Variants in UNKL observed in about 807,000 individuals in gnomAD.
The protein encoded by UNKL is putative E3 ubiquitin-protein ligase UNKL.
UNKL carries 60 observed loss-of-function variants against 78.0 expected under a neutral mutation model. That is an observed-to-expected ratio of 0.77 (90% CI 0.63 to 0.95). The LOEUF (loss-of-function observed/expected upper bound fraction) is 0.95. Among genes scored for constraint, UNKL ranks in the 40% least tolerant of loss-of-function variants. UNKL has a pLI of 0.00. For synonymous variants in UNKL, 608 were observed against 474.8 expected, an observed-to-expected ratio of 1.28 and a Z score of -3.65; for missense variants, 1,159 against 1,045.7, an observed-to-expected ratio of 1.11 and a Z score of -1.49.
intron 9 of UNKL, among the ~76,000 whole-genome samples, chr16:1,386,069 G>C (rs1178789365): frequency 1.3e-5 from 2 of 152,220 alleles, no homozygotes; most frequent in Non-Finnish European, 2.9e-5. Flanking sequence ...AAGACCCAGA[G>C]CCACCTACGA....
rs376477531 is a variant in UNKL, at chr16:1,401,710, C to A, written c.465-9G>T. The A allele has an allele frequency of 4.3e-5, 69 of 1,605,350 alleles. No individual in the cohort carries two copies. The Middle Eastern group carries it at 4.9e-4, about 12-fold the overall frequency. ...CCTGGGCCTGCAGCTCCCTGCAAGC[C>A]GAGGACACAGTGGTCACAGCTCTGC... On this transcript the variant is annotated splice_polypyrimidine_tract_variant and intron_variant, in intron 3 of 14. Coordinates refer to ENST00000389221, the MANE Select transcript of UNKL (RefSeq NM_001372107.1).
chr16:1,363,406 C>T lies in UNKL; in HGVS notation c.*2834G>A. On this transcript the variant is annotated 3_prime_UTR_variant, in exon 15 of 15. Transcript: ENST00000389221. ...TAACATTCTCATGTAAATACTCAAA[C>T]ATACAGATTGAGGCTTCCAGAAATT... 1 of 382,122 alleles carries T rather than the reference C, an allele frequency of 2.6e-6. No homozygotes were observed. Among genetic ancestry groups the T allele is most frequent in the Non-Finnish European group, 5.0e-6 (1 of 200,398 alleles). 23.7% of individuals were successfully genotyped at this position (382,122 alleles called of 1,614,324 possible).
rs577708285 is a variant in UNKL at position 1,368,127 on chromosome 16, G to A, written c.1586-269C>T. On this transcript the variant is annotated intron_variant, in intron 12 of 14. Transcript: ENST00000389221. ...CCACCTGAGGAGTCTAAACAGAGAG[G>A]AATTAAATTCAAGTTCCTGGGACCA... 1.2e-5 allele frequency: 6 copies of A among 516,296 alleles called. No homozygotes were observed. In the East Asian group the frequency reaches 1.7e-4, roughly 15 times the overall value. 32.0% of individuals were successfully genotyped at this position (516,296 alleles called of 1,614,324 possible). A position where few individuals can be genotyped will look rare whatever the true frequency, so the allele number is the denominator to read the frequency against.
chr16:1,401,658 C>T lies in UNKL; in HGVS notation c.508G>A (p.Gly170Ser), dbSNP rs376499532. 22 of 1,612,364 alleles carry T rather than the reference C, an allele frequency of 1.4e-5. 1 individual carries two copies. Among genetic ancestry groups the T allele is most frequent in the South Asian group, 1.2e-4 (11 of 90,998 alleles). The change falls in exon 4 of 15, where the codon GGC (glycine) becomes AGC (serine). Residue 170 changes from glycine (G) to serine (S), a missense_variant. Transcript: ENST00000389221. ...TGCAGATCCGGGACCCCTTCCCCGC[C>T]GCCCAGCTGGCCGTTCTGCAAGGCT... ...QEALQNGQLG[G>S]GEGVPDLQPG...
intron 6 of UNKL, among the ~76,000 whole-genome samples, chr16:1,394,989 T>C (rs1393068262): frequency 6.6e-6 from 1 of 152,142 alleles, no homozygotes; most frequent in Non-Finnish European, 1.5e-5. Flanking sequence ...GTGATTCTCT[T>C]GCCTCAGCCT....
At chr16:1,398,154 C>T (rs767343286) in intron 5 of UNKL, among the ~76,000 whole-genome samples, 4 of 152,188 alleles carry the variant, frequency 2.6e-5, no homozygotes, top group African/African-American at 9.6e-5. Context: ...AAAATGGAAG[C>T]GAGAGTTTTG....
At chr16:1,406,716 A>G (rs548484837) in intron 2 of UNKL, among the ~76,000 whole-genome samples, 28 of 152,162 alleles carry the variant, frequency 1.8e-4, no homozygotes, top group Non-Finnish European at 2.4e-4. Context: ...GCCCAAGCTC[A>G]TCATGAGATC....
At chr16:1,394,822 A>T (rs1173719579) in intron 6 of UNKL, among the ~76,000 whole-genome samples, 1 of 151,212 alleles carries the variant, frequency 6.6e-6, no homozygotes, top group Non-Finnish European at 1.5e-5. Flanking sequence ...GCCTGGCCCC[A>T]CCCCCCCATG....
Position 1,414,671 on chromosome 16 carries a change from C to T in UNKL, c.21G>A (p.Ala7=). The T allele has an allele frequency of 8.7e-7, 1 of 1,153,516 alleles. No individual in the cohort carries two copies. The highest frequency in any genetic ancestry group is 2.2e-5 in the South Asian group (1 of 44,676). The allele number at this position is 1,153,516 out of a possible 1,614,324, so 71.5% of individuals were successfully genotyped here. Residue 7 remains alanine (A), a synonymous_variant, in exon 1 of 15, where the codon GCG becomes GCA. Coordinates refer to ENST00000389221, the MANE Select transcript of UNKL (RefSeq NM_001372107.1). The part of the protein sequence containing the change: MPSVSK[A]AAAALSGSPP... ...GGGACCCGCTCAGCGCCGCTGCCGC[C>T]GCTTTCGAAACCGACGGCATTTTCA...
chr16:1,394,762 G>A (rs2037188378), intron 6 of UNKL, among the ~76,000 whole-genome samples: 1 of 152,184 alleles, frequency 6.6e-6, no homozygotes, highest in African/African-American at 2.4e-5. Flanking sequence ...CAGGCCTCCA[G>A]TGCCCACACC....
intron 13 of UNKL, 35 bp downstream of exon 13, chr16:1,367,621 T>A (rs769514397): frequency 6.9e-6 from 5 of 729,428 alleles, no homozygotes; most frequent in Admixed American, 3.6e-5. Context: ...CGGCCCTCCC[T>A]CCCCCTCACC....
At chr16:1,366,532 C>T (rs991960603) in intron 14 of UNKL, 137 bp from the exon 15 acceptor site, 47 of 1,179,716 alleles carry the variant, frequency 4.0e-5, no homozygotes, top group African/African-American at 3.7e-4. Context: ...GTCAGGGAGA[C>T]GCCCCAGCCA....
At chr16:1,372,690 C>T (rs1475678748) in intron 10 of UNKL, among the ~76,000 whole-genome samples, 1 of 152,200 alleles carries the variant, frequency 6.6e-6, no homozygotes, top group Non-Finnish European at 1.5e-5. Flanking sequence ...ATCTGAGAGC[C>T]CACGTGCCAC....
Position 1,399,303 on chromosome 16 carries a change from G to A in UNKL, c.734+71C>T. On this transcript the variant is annotated intron_variant, in intron 5 of 14. Transcript: ENST00000389221. This position sits in a 1 kb window ranked among gnomAD's most constrained non-coding sequence, Gnocchi z 5.8. Reference sequence around the variant, plus strand: ...CCCTCCCATTAGAACCCCGGGGTGGGCAACGCGAGCCACGGGCCGGGAAGG... The same window carrying A: ...CCCTCCCATTAGAACCCCGGGGTGGACAACGCGAGCCACGGGCCGGGAAGG... The A allele has an allele frequency of 6.9e-7, 1 of 1,454,822 alleles. No individual in the cohort carries two copies. The highest frequency in any genetic ancestry group is 9.0e-7 in the Non-Finnish European group (1 of 1,105,604). The allele number at this position is 1,454,822 out of a possible 1,614,324, so 90.1% of individuals were successfully genotyped here. A position where few individuals can be genotyped will look rare whatever the true frequency, so the allele number is the denominator to read the frequency against.
rs2035220348 is a variant in UNKL at position 1,365,988 on chromosome 16, G to C, written c.*252C>G. The stretch of plus-strand genomic sequence containing the variant: ...AGGGACAGGCAGGCGGGTTCTGTGG[G>C]TTTGCATTTAAGGTTTTTGAGGAAA... On this transcript the variant is annotated 3_prime_UTR_variant, in exon 15 of 15. Transcript: ENST00000389221. 1.0e-5 allele frequency: 4 copies of C among 388,686 alleles called. No individual in the cohort carries two copies. Among genetic ancestry groups the C allele is most frequent in the Non-Finnish European group, 1.8e-5 (4 of 219,356 alleles). The allele number at this position is 388,686 out of a possible 1,614,324, so 24.1% of individuals were successfully genotyped here. A position where few individuals can be genotyped will look rare whatever the true frequency, so the allele number is the denominator to read the frequency against.
chr16:1,390,732 G>A (rs2037013013), intron 8 of UNKL, 38 bp from the exon 9 acceptor site: 1 of 1,533,982 alleles, frequency 6.5e-7, no homozygotes, highest in South Asian at 1.2e-5. Flanking sequence ...GAAAAAGCAG[G>A]GAGGAAATGT....
In UNKL at chr16:1,367,219, A is replaced by T; in HGVS notation, c.1919T>A (p.Leu640Gln). Residue 640 changes from leucine (L) to glutamine (Q), a missense_variant, in exon 14 of 15, where the codon CTG becomes CAG. Coordinates refer to ENST00000389221, the MANE Select transcript of UNKL (RefSeq NM_001372107.1). ...EAQVKQLQEE[L>Q]EGLGVASTLP... ...TGTGGAGGCTACGCCCAGGCCCTCCAGCTCCTCCTGCAGCTGCTTCACCTG... is the reference window on the plus strand; with the variant it reads ...TGTGGAGGCTACGCCCAGGCCCTCCTGCTCCTCCTGCAGCTGCTTCACCTG... The T allele has an allele frequency of 6.2e-7, 1 of 1,603,124 alleles. No homozygotes were observed. The highest frequency in any genetic ancestry group is 8.5e-7 in the Non-Finnish European group (1 of 1,177,516).
intron 7 of UNKL, among the ~76,000 whole-genome samples, chr16:1,393,397 C>A (rs1194088128): frequency 6.6e-6 from 1 of 151,610 alleles, no homozygotes; most frequent in Admixed American, 6.6e-5. Context: ...CGCATGGGTT[C>A]CCACTGAGTC....
rs1358878761 is a variant in UNKL at position 1,367,244 on chromosome 16, G to C, written c.1894C>G (p.Gln632Glu). The C allele has an allele frequency of 6.3e-7, 1 of 1,593,078 alleles. No individual in the cohort carries two copies. The highest frequency in any genetic ancestry group is 1.1e-5 in the South Asian group (1 of 87,838). ...AGCTCCTCCTGCAGCTGCTTCACCT[G>C]TGCCTCCACCTCCTCCTTCTTCTGC... ...ALQKKEEVEA[Q>E]VKQLQEELEG... is the part of the protein sequence containing the mutation. The change falls in exon 14 of 15, where the codon CAG becomes GAG. Residue 632 changes from glutamine (Q) to glutamate (E), a missense_variant. Transcript: ENST00000389221.
Sources: allele counts gnomAD v4.1 joint callset (sites outside exome capture counted in the v4.1 genomes callset), GRCh38; gene constraint gnomAD v4.1.1; non-coding constraint Gnocchi (gnomAD v3.1); transcripts MANE v1.5; gene names NCBI Gene and HGNC (gene_info 2026-07-23, HGNC 2026-07-21).